Variants in TSEN15 observed in about 807,000 individuals in gnomAD.
TSEN15 encodes tRNA-splicing endonuclease subunit Sen15.
A neutral mutation model predicts 20.5 loss-of-function variants in TSEN15; 10 were observed. The observed-to-expected ratio is 0.49, with a 90% CI of 0.30 to 0.83. The LOEUF is 0.83. Among genes scored for constraint, TSEN15 ranks in the 40% least tolerant of loss-of-function variants. The pLI is 0.06. For synonymous variants in TSEN15, 72 were observed against 80.1 expected, an observed-to-expected ratio of 0.90 and a Z score of 0.54; for missense variants, 180 against 218.6, an observed-to-expected ratio of 0.82 and a Z score of 1.11.
At chr1:184,070,619 T>C (rs1650847077) in intron 3 of TSEN15, 3 of 1,266,566 alleles carry the variant, frequency 2.4e-6, no homozygotes, top group Admixed American at 2.4e-5. Flanking sequence ...AATTTAGATA[T>C]TGGCGTGCCA....
chr1:184,064,925 A>G (rs1650591140), intron 3 of TSEN15, among the ~76,000 whole-genome samples: 1 of 152,140 alleles, frequency 6.6e-6, no homozygotes. Context: ...AAGGTTTTAA[A>G]TATCATCGAT....
At chr1:184,077,714 T>C (rs1319712301), downstream of TSEN15, among the ~76,000 whole-genome samples, 1 of 152,116 alleles carries the variant, frequency 6.6e-6, no homozygotes, top group Non-Finnish European at 1.5e-5. Flanking sequence ...GTGGATGACT[T>C]TGAGCATTCA....
chr1:184,090,049 A>G (rs927860279), intron 3 of TSEN15, among the ~76,000 whole-genome samples: 18 of 152,190 alleles, frequency 1.2e-4, no homozygotes, highest in African/African-American at 4.1e-4. Context: ...TTTATTCATA[A>G]CAGTCAGACT....
Position 184,072,313 on chromosome 1 carries a change from A to C in TSEN15, c.495+15A>C, listed in dbSNP as rs369212777. 2.9e-5 allele frequency: 46 copies of C among 1,580,932 alleles called. 1 individual carries two copies. The African/African-American group carries it at 5.2e-4, about 18-fold the overall frequency. On this transcript the variant is annotated intron_variant, in intron 4 of 4. Transcript: ENST00000645668. ...CAGACCCTCAGGTCAGTTTTGAGGT[A>C]ACTGACAGCAAGAAGTACAAAAAGA...
At chr1:184,088,181 C>T (rs566287677) in intron 3 of TSEN15, among the ~76,000 whole-genome samples, 119 of 152,122 alleles carry the variant, frequency 7.8e-4, no homozygotes, top group African/African-American at 2.7e-3. Flanking sequence ...CCAGAATGAC[C>T]GGCTATTTAG....
chr1:184,079,632 T>C (rs1348241466), intron 3 of TSEN15, among the ~76,000 whole-genome samples: 1 of 152,132 alleles, frequency 6.6e-6, no homozygotes, highest in East Asian at 1.9e-4. Context: ...CATCTTTTCA[T>C]CTTCTTATAA....
At chr1:184,063,172 G>A (rs567935312) in intron 3 of TSEN15, among the ~76,000 whole-genome samples, 3 of 152,088 alleles carry the variant, frequency 2.0e-5, no homozygotes, top group South Asian at 2.1e-4. Context: ...TTATTGTTTC[G>A]TGGCAGTTGG....
At chr1:184,069,431 C>T (rs1650805135) in intron 3 of TSEN15, among the ~76,000 whole-genome samples, 1 of 151,990 alleles carries the variant, frequency 6.6e-6, no homozygotes, top group Non-Finnish European at 1.5e-5. Context: ...ATGAAACATA[C>T]AATATTTCCA....
intron 3 of TSEN15, among the ~76,000 whole-genome samples, chr1:184,066,464 A>G (rs1304625218): frequency 6.6e-6 from 1 of 151,528 alleles, no homozygotes; most frequent in Non-Finnish European, 1.5e-5. Context: ...GTGGAGTGGC[A>G]CGATCTCGGC....
chr1:184,078,977 G>A (rs1409811), downstream of TSEN15, among the ~76,000 whole-genome samples: 125,980 of 152,070 alleles, frequency 0.83, 52,298 homozygotes, highest in South Asian at 0.89. Flanking sequence ...GCCAAAGTTT[G>A]TAGTTCTTCT....
chr1:184,084,996 T>A (rs2102902638), intron 3 of TSEN15, among the ~76,000 whole-genome samples: 1 of 152,198 alleles, frequency 6.6e-6, no homozygotes, highest in Admixed American at 6.5e-5. Flanking sequence ...AACACTTTTT[T>A]TTTTTGGTCT....
chr1:184,062,368 G>A (rs1572707343), intron 3 of TSEN15, among the ~76,000 whole-genome samples: 1 of 152,034 alleles, frequency 6.6e-6, no homozygotes, highest in Admixed American at 6.6e-5. Flanking sequence ...CAAAGCAATG[G>A]TATAAAATCA....
At chr1:184,075,561 A>G (rs748054839), downstream of TSEN15, among the ~76,000 whole-genome samples, 2 of 152,132 alleles carry the variant, frequency 1.3e-5, no homozygotes, top group Non-Finnish European at 2.9e-5. Flanking sequence ...GTGTCTGATT[A>G]TATAATGGCT....
At chr1:184,087,819 G>A (rs1651288851) in intron 3 of TSEN15, among the ~76,000 whole-genome samples, 1 of 152,182 alleles carries the variant, frequency 6.6e-6, no homozygotes, top group Non-Finnish European at 1.5e-5. Context: ...AAAATTGTAA[G>A]AAAAGGAAAT....
intron 3 of TSEN15, among the ~76,000 whole-genome samples, chr1:184,062,772 G>T (rs761809533): frequency 3.2e-4 from 48 of 150,542 alleles, no homozygotes; most frequent in African/African-American, 7.3e-5. Flanking sequence ...CCCCCTCATA[G>T]ACCCAATGTC....
intron 3 of TSEN15, among the ~76,000 whole-genome samples, chr1:184,071,618 G>A (rs1240113820): frequency 1.3e-5 from 2 of 151,522 alleles, no homozygotes; most frequent in African/African-American, 2.4e-5. Flanking sequence ...TCATCACTAC[G>A]AAACTCAAGA....
In TSEN15 at chr1:184,081,377, CT is replaced by C. The variant is rs1651164632; in HGVS notation, c.354-14312del. Among the ~76,000 whole-genome samples the C allele has an allele frequency of 2.0e-5, 3 of 152,200 alleles. No homozygotes were observed. The South Asian group carries it at 6.2e-4, about 31-fold the overall frequency. On this transcript the variant is annotated intron_variant, in intron 3 of 3. Coordinates refer to the TSEN15 transcript ENST00000643231. ...GACAGGGCCTCCACCATCTGAAATGCTGTCAGTTCCAGCTGCAGGAGGCAGT... is the reference window on the plus strand; with the variant it reads ...GACAGGGCCTCCACCATCTGAAATGCGTCAGTTCCAGCTGCAGGAGGCAGT...
Position 184,072,807 on chromosome 1 carries a change from C to A in TSEN15, c.496-20C>A. The A allele has an allele frequency of 6.3e-7, 1 of 1,596,182 alleles. No homozygotes were observed. The highest frequency in any genetic ancestry group is 8.5e-7 in the Non-Finnish European group (1 of 1,172,818). Reference sequence around the variant, plus strand: ...ATTGTTTATCGGAGAAAAGTCCATCCTGATCTTTTTTTTTTCCAGAATATT... The same window carrying A: ...ATTGTTTATCGGAGAAAAGTCCATCATGATCTTTTTTTTTTCCAGAATATT... On this transcript the variant is annotated intron_variant, in intron 4 of 4. Coordinates refer to ENST00000645668, the MANE Select transcript of TSEN15 (RefSeq NM_052965.4).
rs1489607530 is a variant in TSEN15 at position 184,072,263 on chromosome 1, A to G, written c.460A>G (p.Lys154Glu). The change falls in exon 4 of 5, where the codon AAA becomes GAA. Residue 154 changes from lysine (K) to glutamate (E), a missense_variant. Physicochemically the swap from Lys to Glu is moderately conservative, Grantham distance 56. Transcript: ENST00000645668. ...VESDSTIVYYKLTDGFMLPDP... is the reference protein window; with the variant it reads ...VESDSTIVYYELTDGFMLPDP... ...GTCTGATTCTACAATAGTCTATTAT[A>G]AACTTACTGATGGATTTATGCTGCC... The G allele has an allele frequency of 6.2e-7, 1 of 1,612,952 alleles. No individual in the cohort carries two copies. Among genetic ancestry groups the G allele is most frequent in the Non-Finnish European group, 8.5e-7 (1 of 1,179,506 alleles).
Sources: allele counts gnomAD v4.1 joint callset (sites outside exome capture counted in the v4.1 genomes callset), GRCh38; gene constraint gnomAD v4.1.1; transcripts MANE v1.5; gene names NCBI Gene and HGNC (gene_info 2026-07-23, HGNC 2026-07-21).